The following NHSL1 variants were observed in gnomAD, a reference collection of about 807,000 sequenced individuals.
NHSL1 encodes the protein NHS-like protein 1.
Under a neutral mutation model 95.0 loss-of-function variants are expected in NHSL1, and 48 were observed. The ratio of observed to expected loss-of-function variants is 0.51; its 90% CI spans 0.40 to 0.64. The LOEUF (loss-of-function observed/expected upper bound fraction) is 0.64, where lower values mean the gene tolerates loss of function less well. Ranked by LOEUF, NHSL1 falls within the 30% of genes least tolerant of loss-of-function variation. The probability of loss-of-function intolerance (pLI) is 0.00; values close to 1 mark genes in which losing one functional copy is unlikely to be tolerated. For synonymous variants in NHSL1, 783 were observed against 833.9 expected (o/e 0.94, Z 1.05); for missense variants, 1,971 against 2,077.7 (o/e 0.95, Z 1.00).
chr6:138,581,887 CTTTT>C (rs1377796783), intron 1 of NHSL1, among the ~76,000 whole-genome samples: 13 of 135,688 alleles, frequency 9.6e-5, no homozygotes, highest in Middle Eastern at 3.9e-3. Flanking sequence ...TGAGGTTCTA[CTTTT>C]TCTTTCTTTT....
intron 1 of NHSL1, among the ~76,000 whole-genome samples, chr6:138,605,876 G>A (rs1784426919): frequency 1.3e-5 from 2 of 152,336 alleles, no homozygotes; most frequent in South Asian, 4.1e-4. Context: ...TGGTAATGTG[G>A]AAAGTGCGTG....
At chr6:138,550,820 C>T (rs558117288) in intron 1 of NHSL1, among the ~76,000 whole-genome samples, 1 of 152,142 alleles carries the variant, frequency 6.6e-6, no homozygotes, top group Admixed American at 6.6e-5. Flanking sequence ...CAAAATTATA[C>T]AAGCAAAACA....
At chr6:138,475,773 C>CGGG (rs1779032156) in intron 2 of NHSL1, among the ~76,000 whole-genome samples, 2 of 151,922 alleles carry the variant, frequency 1.3e-5, no homozygotes, top group African/African-American at 4.8e-5. Flanking sequence ...TGGCAAAACC[C>CGGG]CGTCTCTACT....
chr6:138,630,333 T>C (rs1282819922), intron 1 of NHSL1, among the ~76,000 whole-genome samples: 2 of 151,300 alleles, frequency 1.3e-5, no homozygotes, highest in East Asian at 1.9e-4. Flanking sequence ...CTAAATGTGG[T>C]TTTTTTCAAT....
chr6:138,477,248 A>C (rs1040336696), intron 2 of NHSL1, among the ~76,000 whole-genome samples: 35 of 152,294 alleles, frequency 2.3e-4, no homozygotes, highest in African/African-American at 6.7e-4. Context: ...TTTTAAACTA[A>C]ATTAATTTGT....
Position 138,692,164 on chromosome 6 carries a change from C to T in NHSL1, c.96+312G>A. The T allele has an allele frequency of 4.4e-6, 2 of 456,726 alleles. No individual in the cohort carries two copies. Among genetic ancestry groups the T allele is most frequent in the Non-Finnish European group, 8.8e-6 (2 of 226,956 alleles). The allele number at this position is 456,726 out of a possible 1,614,324, so 28.3% of individuals were successfully genotyped here. ...ACTTGGCTCTCCTCTGTCTACAGCG[C>T]CCCGGGGTCTCCCAAACAGACAGAC... On this transcript the variant is annotated intron_variant, in intron 1 of 3. Coordinates refer to the NHSL1 transcript ENST00000491526. The surrounding 1 kb of genome is among the most constrained non-coding windows in gnomAD (Gnocchi z 4.0).
At position 138,431,512 on chromosome 6, in the gene NHSL1, C is replaced by T. The variant is rs1158151132; in HGVS notation, c.2833G>A (p.Asp945Asn). The change falls in exon 6 of 8, where the codon GAC (aspartate) becomes AAC (asparagine). Residue 945 changes from aspartate to asparagine, a missense_variant. Asp to Asn is a conservative substitution (Grantham distance 23). Coordinates refer to ENST00000343505, the MANE Select transcript of NHSL1 (RefSeq NM_001144060.2). This position sits in a 1 kb window ranked among gnomAD's most constrained non-coding sequence, Gnocchi z 4.0. ...GGGGGAGGAAGGAAAGGAGACCTGT[C>T]TGCAGGACAAGGGAATGGAGGAGAG... ...VPSPPFPCPADRSPFLPPPPP... is the reference protein window; with the variant it reads ...VPSPPFPCPANRSPFLPPPPP... The T allele has an allele frequency of 6.4e-7, 1 of 1,550,810 alleles. No individual in the cohort carries two copies. Among genetic ancestry groups the T allele is most frequent in the Non-Finnish European group, 8.7e-7 (1 of 1,146,658 alleles).
At chr6:138,451,061 G>A (rs1395958792) in intron 3 of NHSL1, among the ~76,000 whole-genome samples, 1 of 152,244 alleles carries the variant, frequency 6.6e-6, no homozygotes, top group East Asian at 1.9e-4. Flanking sequence ...ATGTAAGTCA[G>A]ATCATGTTGC....
At chr6:138,580,127 A>G (rs1365497340) in intron 1 of NHSL1, among the ~76,000 whole-genome samples, 1 of 152,252 alleles carries the variant, frequency 6.6e-6, no homozygotes, top group African/African-American at 2.4e-5. Flanking sequence ...GCAAATACAT[A>G]TATTTAGAAT....
At chr6:138,564,651 T>TTA (rs1554252414) in intron 1 of NHSL1, among the ~76,000 whole-genome samples, 7 of 139,494 alleles carry the variant, frequency 5.0e-5, no homozygotes, top group Admixed American at 1.4e-4. Context: ...GCCTTGGGGA[T>TTA]AAAAAAAAAA....
At chr6:138,511,618 C>T (rs930830580) in intron 1 of NHSL1, among the ~76,000 whole-genome samples, 9 of 151,984 alleles carry the variant, frequency 5.9e-5, no homozygotes, top group Non-Finnish European at 1.3e-4. Context: ...ATGAAGACAT[C>T]GATGTCTTCC....
intron 1 of NHSL1, among the ~76,000 whole-genome samples, chr6:138,535,886 CAG>C (rs1357357331): frequency 6.6e-6 from 1 of 152,166 alleles, no homozygotes; most frequent in African/African-American, 2.4e-5. Flanking sequence ...TCTGCTCTGG[CAG>C]AGAGAGCCTG....
intron 1 of NHSL1, among the ~76,000 whole-genome samples, chr6:138,643,235 A>AT (rs551911284): frequency 6.6e-6 from 1 of 151,898 alleles, no homozygotes; most frequent in Non-Finnish European, 1.5e-5. Context: ...CTAAGACTTT[A>AT]TTTTTTTTAG....
intron 1 of NHSL1, among the ~76,000 whole-genome samples, chr6:138,561,183 C>G (rs1446942639): frequency 1.3e-5 from 2 of 152,158 alleles, no homozygotes; most frequent in Non-Finnish European, 2.9e-5. Flanking sequence ...AACATAAAAA[C>G]AAACCTACAA....
At chr6:138,503,766 G>GCTAA (rs1780811850), upstream of NHSL1, among the ~76,000 whole-genome samples, 7 of 152,082 alleles carry the variant, frequency 4.6e-5, no homozygotes, top group South Asian at 1.5e-3. Context: ...AGTTCCATTT[G>GCTAA]CTAACCTCTA....
chr6:138,505,246 G>C (rs1188979812), intron 1 of NHSL1, among the ~76,000 whole-genome samples: 1 of 152,056 alleles, frequency 6.6e-6, no homozygotes, highest in Non-Finnish European at 1.5e-5. Flanking sequence ...AAACAATATT[G>C]ACTAAAAAGG....
chr6:138,620,923 T>C (rs1379539966), intron 1 of NHSL1, among the ~76,000 whole-genome samples: 2 of 152,228 alleles, frequency 1.3e-5, no homozygotes, highest in Non-Finnish European at 1.5e-5. Flanking sequence ...GAGAGAGCAA[T>C]TCCACCTGGC....
chr6:138,637,741 G>A (rs941608366), intron 1 of NHSL1, among the ~76,000 whole-genome samples: 4 of 152,156 alleles, frequency 2.6e-5, no homozygotes, highest in South Asian at 4.1e-4. Context: ...ATGCTGCAGA[G>A]GATGGGGAGA....
intron 1 of NHSL1, among the ~76,000 whole-genome samples, chr6:138,626,969 T>G (rs1251493947): frequency 6.6e-6 from 1 of 150,616 alleles, no homozygotes; most frequent in Non-Finnish European, 1.5e-5. Flanking sequence ...ACAAAAACAT[T>G]ACTGTATATC....
Sources: allele counts gnomAD v4.1 joint callset (sites outside exome capture counted in the v4.1 genomes callset), GRCh38; gene constraint gnomAD v4.1.1; non-coding constraint Gnocchi (gnomAD v3.1); transcripts MANE v1.5; gene names NCBI Gene and HGNC (gene_info 2026-07-23, HGNC 2026-07-21).